Variants in DCN observed in about 807,000 individuals in gnomAD.
The protein encoded by DCN is bone proteoglycan II.
Under a neutral mutation model 36.5 loss-of-function variants are expected in DCN, and 17 were observed. That is an observed-to-expected ratio of 0.47 (90% confidence interval 0.32 to 0.70). The LOEUF is 0.70. DCN is among the 30% of genes least tolerant of loss of function. The pLI is 0.04. For missense variants in DCN, 389 were observed against 430.1 expected (o/e 0.90, Z 0.84); for synonymous variants, 163 against 161.4 (o/e 1.01, Z -0.07).
intron 1 of DCN, 90 bp from the exon 2 acceptor site, chr12:91,178,675 G>A (rs1883448839): frequency 1.3e-6 from 1 of 778,620 alleles, no homozygotes; most frequent in Admixed American, 2.1e-5. Context: ...AGTGAGCACA[G>A]AGAAAAGATG....
At chr12:91,171,831 C>T (rs538497613) in intron 2 of DCN, among the ~76,000 whole-genome samples, 150 of 152,210 alleles carry the variant, frequency 9.9e-4, no homozygotes, top group Admixed American at 2.2e-3. Flanking sequence ...CCAAATTTTC[C>T]ATACCTCAAG....
chr12:91,179,524 C>G (rs920662426), intron 1 of DCN: 1 of 152,162 alleles, frequency 6.6e-6, no homozygotes, highest in African/African-American at 2.4e-5. Flanking sequence ...ATTTGTTTTG[C>G]GTGCTTGGTC....
intron 3 of DCN, among the ~76,000 whole-genome samples, chr12:91,163,329 T>A: frequency 6.6e-6 from 1 of 152,216 alleles, no homozygotes; most frequent in East Asian, 1.9e-4. Context: ...TTGCCCTTTT[T>A]TGGCCCTTCT....
rs1177164595 is a variant in DCN, at chr12:91,158,435, T to C, written c.399A>G (p.Arg133=). Residue 133 remains arginine, a synonymous_variant, in exon 4 of 8, where the codon CGA becomes CGG. Transcript: ENST00000052754. The part of the protein sequence containing the change: ...GAFTPLVKLE[R]LYLSKNQLKE... ...TCAGCTGATTCTTGGACAGATAAAG[T>C]CGTTCCAACTTCACCAAAGGTGTAA... 1.2e-6 allele frequency: 2 copies of C among 1,610,884 alleles called. No individual in the cohort carries two copies. Among genetic ancestry groups the C allele is most frequent in the Admixed American group, 1.7e-5 (1 of 60,016 alleles).
intron 7 of DCN, 141 bp from the exon 8 acceptor site, chr12:91,146,393 G>C: frequency 4.2e-6 from 2 of 472,950 alleles, no homozygotes; most frequent in East Asian, 6.8e-5. Context: ...ATCTTGCTTT[G>C]TCACCCAGGC....
chr12:91,151,879 A>T (rs1440711251), intron 6 of DCN, 87 bp from the exon 7 acceptor site: 8 of 1,542,708 alleles, frequency 5.2e-6, no homozygotes, highest in Non-Finnish European at 7.1e-6. Context: ...TCTATAGGAA[A>T]GGACATTTTT....
rs1881817098 is a variant in DCN, at chr12:91,156,971, G to T, written c.652+104C>A. 4 of 753,174 alleles carry T rather than the reference G, an allele frequency of 5.3e-6. No individual in the cohort carries two copies. In the East Asian group the frequency reaches 8.0e-5, roughly 15 times the overall value. 46.7% of individuals were successfully genotyped at this position (753,174 alleles called of 1,614,324 possible). A position where few individuals can be genotyped will look rare whatever the true frequency, so the allele number is the denominator to read the frequency against. Reference sequence around the variant, plus strand: ...TAATAGAGAATTTGCTGGAAATAAGGTTGGCCTCTTAGGTGACAATTCCAG... The same window carrying T: ...TAATAGAGAATTTGCTGGAAATAAGTTTGGCCTCTTAGGTGACAATTCCAG... On this transcript the variant is annotated intron_variant, in intron 5 of 7. Transcript: ENST00000052754.
intron 7 of DCN, among the ~76,000 whole-genome samples, chr12:91,146,634 G>A (rs941275655): frequency 2.6e-5 from 4 of 152,182 alleles, no homozygotes; most frequent in South Asian, 2.1e-4. Flanking sequence ...GATTACAGGC[G>A]TAAGCCACCA....
At chr12:91,151,153 G>A (rs570317597) in intron 7 of DCN, 110 of 185,978 alleles carry the variant, frequency 5.9e-4, no homozygotes, top group Non-Finnish European at 9.0e-4. Flanking sequence ...CATGGCACAC[G>A]TATACCTATA....
At chr12:91,181,308 T>C (rs1868393587) in intron 1 of DCN, among the ~76,000 whole-genome samples, 1 of 152,210 alleles carries the variant, frequency 6.6e-6, no homozygotes, top group Non-Finnish European at 1.5e-5. Flanking sequence ...TTTAAATTAG[T>C]GTCATGGTAC....
chr12:91,146,006 A>G lies in DCN; in HGVS notation c.*52T>C. ...TCTAGCTTTTATTTATTTTTTAGCA[A>G]TGACATTAACAAGATTTTGCCAGGT... On this transcript the variant is annotated 3_prime_UTR_variant, in exon 8 of 8. Transcript: ENST00000052754. 4 of 1,403,488 alleles carry G rather than the reference A, an allele frequency of 2.9e-6. No individual in the cohort carries two copies. In the Middle Eastern group the frequency reaches 5.3e-4, roughly 185 times the overall value. 86.9% of individuals were successfully genotyped at this position (1,403,488 alleles called of 1,614,324 possible).
rs2121102246 is a variant in DCN at position 91,141,749 on chromosome 12, C to T, written c.*4309G>A. On this transcript the variant is annotated 3_prime_UTR_variant, in exon 8 of 8. Coordinates refer to ENST00000052754, the MANE Select transcript of DCN (RefSeq NM_001920.5). ...TGTTTCTATGCTTGTTCCTGATGGC[C>T]TGGAAGCATTCATTCAGCCCTCACA... is the stretch of plus-strand genomic sequence containing the variant. 1 of 152,188 alleles carries T rather than the reference C, an allele frequency of 6.6e-6. No individual in the cohort carries two copies. The highest frequency in any genetic ancestry group is 6.5e-5 in the Admixed American group (1 of 15,294). 9.4% of individuals were successfully genotyped at this position (152,188 alleles called of 1,614,324 possible). A position where few individuals can be genotyped will look rare whatever the true frequency, so the allele number is the denominator to read the frequency against.
chr12:91,168,296 C>T (rs1882716068), intron 2 of DCN, among the ~76,000 whole-genome samples: 1 of 152,142 alleles, frequency 6.6e-6, no homozygotes, highest in Admixed American at 6.5e-5. Flanking sequence ...TCCATTCTAA[C>T]AATCCCTTGA....
intron 7 of DCN, among the ~76,000 whole-genome samples, chr12:91,146,646 G>A (rs918431063): frequency 1.3e-5 from 2 of 152,082 alleles, no homozygotes; most frequent in Non-Finnish European, 2.9e-5. Flanking sequence ...AAGCCACCAC[G>A]ACAGGCCCCA....
At chr12:91,182,620 G>A (rs1304914540) in intron 1 of DCN, 35 bp downstream of exon 1, 3 of 151,462 alleles carry the variant, frequency 2.0e-5, no homozygotes, top group Non-Finnish European at 2.9e-5. Flanking sequence ...TTATTAGTCT[G>A]TAGCAGAGTT....
intron 1 of DCN, chr12:91,179,620 C>A (rs1264488910): frequency 6.6e-6 from 1 of 152,160 alleles, no homozygotes; most frequent in African/African-American, 2.4e-5. Context: ...ATTTTGCACA[C>A]AAATGACTCA....
At chr12:91,180,412 AG>A (rs1287283064) in intron 1 of DCN, 2 of 151,954 alleles carry the variant, frequency 1.3e-5, no homozygotes, top group Admixed American at 1.3e-4. Context: ...GAAAGAAAGA[AG>A]AGAAGAGAAA....
chr12:91,158,090 T>TCTCAGATA (rs1382573748), intron 4 of DCN, among the ~76,000 whole-genome samples: 1 of 152,166 alleles, frequency 6.6e-6, no homozygotes, highest in Non-Finnish European at 1.5e-5. Context: ...TTCTCCATAT[T>TCTCAGATA]CTCAGATACT....
rs555264982 is a variant in DCN, at chr12:91,163,870, GAAATA to G, written c.324+730_324+734del. The stretch of plus-strand genomic sequence containing the variant: ...CATGAAAACAAACAAAAGAAACAAA[GAAATA>G]AAATAATACTAGGATCAATCCATTT... On this transcript the variant is annotated intron_variant, in intron 3 of 7. Transcript: ENST00000052754. Among the ~76,000 whole-genome samples the G allele has an allele frequency of 8.6e-3, 1,303 of 151,898 alleles. 11 individuals carry two copies. Among genetic ancestry groups the G allele is most frequent in the African/African-American group, 0.028 (1,177 of 41,432 alleles).
Sources: gnomAD v4.1 joint callset for allele counts (sites outside exome capture counted in the v4.1 genomes callset) on GRCh38, gnomAD v4.1.1 for gene constraint, MANE v1.5 for transcripts, NCBI Gene and HGNC (gene_info 2026-07-23, HGNC 2026-07-21) for gene names.